Variants in STAT5A observed in about 807,000 individuals in gnomAD.
The protein encoded by STAT5A is epididymis secretory sperm binding protein.
A neutral mutation model predicts 100.2 loss-of-function variants in STAT5A; 26 were observed. The ratio of observed to expected loss-of-function variants is 0.26; its 90% CI spans 0.19 to 0.36. The LOEUF (loss-of-function observed/expected upper bound fraction) is 0.36. STAT5A is among the 10% of genes least tolerant of loss of function. STAT5A has a pLI of 1.00. For missense variants in STAT5A, 634 were observed against 1,027.5 expected (o/e 0.62, Z 5.24); for synonymous variants, 330 against 424.3 (o/e 0.78, Z 2.73).
At chr17:42,305,887 G>A (rs1300956867) in intron 12 of STAT5A, among the ~76,000 whole-genome samples, 185 bp downstream of exon 12, 1 of 152,200 alleles carries the variant, frequency 6.6e-6, no homozygotes, top group Non-Finnish European at 1.5e-5. Flanking sequence ...GGCACTCTGG[G>A]TTCCAGGTTC....
intron 5 of STAT5A, 81 bp from the exon 6 acceptor site, chr17:42,299,670 C>T: frequency 6.2e-7 from 1 of 1,608,346 alleles, no homozygotes; most frequent in South Asian, 1.1e-5. Context: ...GGTCTCGCTC[C>T]AGAACAGGTG....
At position 42,308,131 on chromosome 17, in the gene STAT5A, C is replaced by A; in HGVS notation, c.1907-47C>A. ...TGCCCTAAAGCCCCACAACCTTGGTCCTCCTGCTGCTGGTGGATTATGGGA... is the reference window on the plus strand; with the variant it reads ...TGCCCTAAAGCCCCACAACCTTGGTACTCCTGCTGCTGGTGGATTATGGGA... On this transcript the variant is annotated intron_variant, in intron 15 of 18. Coordinates refer to ENST00000590949, the MANE Select transcript of STAT5A (RefSeq NM_001288718.2). This position sits in a 1 kb window ranked among gnomAD's most constrained non-coding sequence, Gnocchi z 4.6. 1.2e-6 allele frequency: 2 copies of A among 1,602,772 alleles called. No individual in the cohort carries two copies. The highest frequency in any genetic ancestry group is 1.1e-5 in the South Asian group (1 of 89,572).
Position 42,310,607 on chromosome 17 carries a change from C to T in STAT5A, c.2323C>T (p.Leu775Phe), listed in dbSNP as rs1249071270. The change falls in exon 19 of 19, where the codon CTT becomes TTT. Residue 775 changes from leucine (L) to phenylalanine (F), a missense_variant. By Grantham distance (22) the Leu-to-Phe change is conservative (BLOSUM62 0). Transcript: ENST00000590949. ...EELLRRPMDS[L>F]DSRLSPPAGL... ...ACTCTTACGCCGACCAATGGACAGT[C>T]TTGACTCCCGCCTCTCGCCCCCTGC... is the stretch of plus-strand genomic sequence containing the variant. The T allele has an allele frequency of 6.2e-7, 1 of 1,614,100 alleles. No individual in the cohort carries two copies. Among genetic ancestry groups the T allele is most frequent in the Non-Finnish European group, 8.5e-7 (1 of 1,180,050 alleles).
chr17:42,307,844 G>C, intron 15 of STAT5A, 121 bp downstream of exon 15: 2 of 1,397,786 alleles, frequency 1.4e-6, no homozygotes, highest in Non-Finnish European at 1.9e-6. Context: ...AGCTTAGTAT[G>C]AGAGGGCTGT....
chr17:42,288,236 G>A (rs934083275), upstream of STAT5A: 2 of 152,122 alleles, frequency 1.3e-5, no homozygotes, highest in Non-Finnish European at 2.9e-5. This position sits in a 1 kb window ranked among gnomAD's most constrained non-coding sequence, Gnocchi z 4.8. Context: ...CCGGTTCCGG[G>A]ACGCTCCCTG....
In STAT5A at chr17:42,310,807, T is replaced by C; in HGVS notation, c.*138T>C. 15 of 1,431,334 alleles carry C rather than the reference T, an allele frequency of 1.0e-5. No individual in the cohort carries two copies. Among genetic ancestry groups the C allele is most frequent in the Non-Finnish European group, 1.3e-5 (14 of 1,065,560 alleles). 88.7% of individuals were successfully genotyped at this position (1,431,334 alleles called of 1,614,324 possible). Reference sequence around the variant, plus strand: ...GTGTGTGTGTGTGTGTGTGTCCTTGTGCATGAGCTACGCCTGCCTCCCCTG... The same window carrying C: ...GTGTGTGTGTGTGTGTGTGTCCTTGCGCATGAGCTACGCCTGCCTCCCCTG... On this transcript the variant is annotated 3_prime_UTR_variant, in exon 19 of 19. Coordinates refer to ENST00000590949, the MANE Select transcript of STAT5A (RefSeq NM_001288718.2).
In STAT5A at chr17:42,289,548, G is replaced by T; in HGVS notation, c.128+9G>T. On this transcript the variant is annotated intron_variant, in intron 2 of 18. Coordinates refer to ENST00000590949, the MANE Select transcript of STAT5A (RefSeq NM_001288718.2). ...ATTGAGAGCCAGCCATGGTAGGCAC[G>T]TCCCGCCCTGCCCCTCCTCAGAGGG... 1 of 1,611,098 alleles carries T rather than the reference G, an allele frequency of 6.2e-7. No individual in the cohort carries two copies. Among genetic ancestry groups the T allele is most frequent in the South Asian group, 1.1e-5 (1 of 90,794 alleles).
chr17:42,288,307 ACGCCCGGCGCCGCC>A (rs2080832436), upstream of STAT5A: 1 of 152,042 alleles, frequency 6.6e-6, no homozygotes, highest in Admixed American at 6.5e-5. This position sits in a 1 kb window ranked among gnomAD's most constrained non-coding sequence, Gnocchi z 4.8. Flanking sequence ...GGCAGCCCCC[ACGCCCGGCGCCGCC>A]CGCCGGGAAC....
At position 42,288,658 on chromosome 17, in the gene STAT5A, CCCGGCACCT is replaced by C. The variant is rs1432959353; in HGVS notation, c.-11+69_-11+77del. 1.3e-5 allele frequency: 2 copies of C among 152,306 alleles called. No individual in the cohort carries two copies. The highest frequency in any genetic ancestry group is 2.9e-5 in the Non-Finnish European group (2 of 68,116). The allele number at this position is 152,306 out of a possible 1,614,324, so 9.4% of individuals were successfully genotyped here. A position where few individuals can be genotyped will look rare whatever the true frequency, so the allele number is the denominator to read the frequency against. On this transcript the variant is annotated intron_variant, in intron 1 of 18. Transcript: ENST00000590949. This position sits in a 1 kb window ranked among gnomAD's most constrained non-coding sequence, Gnocchi z 4.8. ...CCGAGAGGGGACACTCTACTGCCGC[CCCGGCACCT>C]CCGGCACCCGGAGCTCGACGGCCGG...
chr17:42,290,375 T>C (rs975173128), intron 3 of STAT5A, among the ~76,000 whole-genome samples: 4 of 152,132 alleles, frequency 2.6e-5, no homozygotes, highest in African/African-American at 9.7e-5. Flanking sequence ...TCTTGGGGTC[T>C]TTTAAAGGTG....
chr17:42,306,617 G>A (rs1312041647), intron 13 of STAT5A, among the ~76,000 whole-genome samples, 170 bp downstream of exon 13: 1 of 152,208 alleles, frequency 6.6e-6, no homozygotes, highest in Middle Eastern at 3.2e-3. Flanking sequence ...GCAGGCAGGG[G>A]CTATAGGAGT....
intron 5 of STAT5A, among the ~76,000 whole-genome samples, chr17:42,296,461 A>G (rs1372154656): frequency 6.6e-6 from 1 of 152,206 alleles, no homozygotes; most frequent in Non-Finnish European, 1.5e-5. Flanking sequence ...TTGAGGAGTC[A>G]TGGGACATGG....
chr17:42,311,709 C>G lies in STAT5A; in HGVS notation c.*1040C>G, dbSNP rs1166244908. ...GAGGTGGGGCCTGGAGCAGGCCTTG[C>G]GCTGTTGCGTAACTGGCTGTGTTCT... is the stretch of plus-strand genomic sequence containing the variant. On this transcript the variant is annotated 3_prime_UTR_variant, in exon 19 of 19. Coordinates refer to ENST00000590949, the MANE Select transcript of STAT5A (RefSeq NM_001288718.2). 6.6e-6 allele frequency: 1 copy of G among 152,636 alleles called. No individual in the cohort carries two copies. The highest frequency in any genetic ancestry group is 1.5e-5 in the Non-Finnish European group (1 of 68,136). The allele number at this position is 152,636 out of a possible 1,614,324, so 9.5% of individuals were successfully genotyped here.
At position 42,304,034 on chromosome 17, in the gene STAT5A, T is replaced by G. The variant is rs80084007; in HGVS notation, c.1170-308T>G. The G allele has an allele frequency of 0.014, 5,061 of 358,658 alleles. 55 individuals carry two copies. The highest frequency in any genetic ancestry group is 0.029 in the South Asian group (693 of 24,264). 22.2% of individuals were successfully genotyped at this position (358,658 alleles called of 1,614,324 possible). A position where few individuals can be genotyped will look rare whatever the true frequency, so the allele number is the denominator to read the frequency against. Reference sequence around the variant, plus strand: ...CATAGGGATCCTCAGAGACTGTGGTTGTGATTTTTATCTTAAGTGCATTAG... The same window carrying G: ...CATAGGGATCCTCAGAGACTGTGGTGGTGATTTTTATCTTAAGTGCATTAG... On this transcript the variant is annotated intron_variant, in intron 9 of 18. Coordinates refer to ENST00000590949, the MANE Select transcript of STAT5A (RefSeq NM_001288718.2). The surrounding 1 kb of genome is among the most constrained non-coding windows in gnomAD (Gnocchi z 4.8).
rs773931608 is a variant in STAT5A at position 42,309,368 on chromosome 17, C to T, written c.2115-9C>T. 14 of 1,612,190 alleles carry T rather than the reference C, an allele frequency of 8.7e-6. No individual in the cohort carries two copies. The highest frequency in any genetic ancestry group is 1.2e-5 in the Non-Finnish European group (14 of 1,179,938). On this transcript the variant is annotated splice_polypyrimidine_tract_variant and intron_variant, in intron 17 of 18. Coordinates refer to ENST00000590949, the MANE Select transcript of STAT5A (RefSeq NM_001288718.2). Reference sequence around the variant, plus strand: ...TGGTGGCTGAAGCTCTGTTCTCTTCCTTCTGCAGGTTTGTGAATGCATCTG... The same window carrying T: ...TGGTGGCTGAAGCTCTGTTCTCTTCTTTCTGCAGGTTTGTGAATGCATCTG...
chr17:42,308,739 C>G lies in STAT5A; in HGVS notation c.2063-308C>G. On this transcript the variant is annotated intron_variant, in intron 16 of 18. Coordinates refer to ENST00000590949, the MANE Select transcript of STAT5A (RefSeq NM_001288718.2). This position sits in a 1 kb window ranked among gnomAD's most constrained non-coding sequence, Gnocchi z 4.6. ...GCAAAAGGGAGAAGTCTCTCTTCTT[C>G]CAGCTGCCCCAAATCCATTGGTTGG... 2.0e-6 allele frequency: 1 copy of G among 512,610 alleles called. No homozygotes were observed. 31.8% of individuals were successfully genotyped at this position (512,610 alleles called of 1,614,324 possible). A position where few individuals can be genotyped will look rare whatever the true frequency, so the allele number is the denominator to read the frequency against.
Position 42,304,761 on chromosome 17 carries a change from T to A in STAT5A, c.1380+109T>A. 1 of 1,519,626 alleles carries A rather than the reference T, an allele frequency of 6.6e-7. No homozygotes were observed. The highest frequency in any genetic ancestry group is 8.9e-7 in the Non-Finnish European group (1 of 1,120,088). The allele number at this position is 1,519,626 out of a possible 1,614,324, so 94.1% of individuals were successfully genotyped here. On this transcript the variant is annotated intron_variant, in intron 11 of 18. Transcript: ENST00000590949. This position sits in a 1 kb window ranked among gnomAD's most constrained non-coding sequence, Gnocchi z 4.8. ...GCCATCGGACAGCCTGCTTTGACTC[T>A]GTGGGTCCCTGTTTGATAGGTTATA...
At chr17:42,297,664 A>G (rs140645098) in intron 5 of STAT5A, among the ~76,000 whole-genome samples, 3,862 of 152,016 alleles carry the variant, frequency 0.025, 183 homozygotes, top group East Asian at 0.2. Context: ...GGCTGGGCCC[A>G]GGTGTTGGGA....
intron 4 of STAT5A, among the ~76,000 whole-genome samples, chr17:42,294,213 A>C (rs2080897721): frequency 7.4e-6 from 1 of 135,552 alleles, no homozygotes; most frequent in African/African-American, 2.7e-5. Flanking sequence ...GAGACTCTGT[A>C]TAAAAAAAAA....
Sources: gnomAD v4.1 joint callset for allele counts (sites outside exome capture counted in the v4.1 genomes callset) on GRCh38, gnomAD v4.1.1 for gene constraint, Gnocchi (gnomAD v3.1) non-coding constraint, MANE v1.5 for transcripts, NCBI Gene and HGNC (gene_info 2026-07-23, HGNC 2026-07-21) for gene names.